Variants in IMMP2L observed in about 807,000 individuals in gnomAD.
The protein encoded by IMMP2L is mitochondrial inner membrane protease subunit 2.
In IMMP2L, 18 loss-of-function variants were observed where a neutral mutation model predicts 19.3. The ratio of observed to expected loss-of-function variants is 0.93; its 90% CI spans 0.64 to 1.38. The LOEUF (loss-of-function observed/expected upper bound fraction) is 1.38, where lower values mean the gene tolerates loss of function less well. Ranked by LOEUF, IMMP2L falls within the 40% of genes most tolerant of loss-of-function variation. The pLI is 0.00. For synonymous variants in IMMP2L, 76 were observed against 73.0 expected (o/e 1.04, Z -0.21); for missense variants, 233 against 218.2 (o/e 1.07, Z -0.43).
intron 3 of IMMP2L, among the ~76,000 whole-genome samples, chr7:111,239,007 T>A (rs1442090701): frequency 1.3e-5 from 2 of 151,972 alleles, no homozygotes; most frequent in African/African-American, 4.8e-5. Flanking sequence ...TTTCACTATT[T>A]CACCAATAGT....
chr7:111,086,438 T>C (rs1440614952), intron 3 of IMMP2L, among the ~76,000 whole-genome samples: 1 of 118,986 alleles, frequency 8.4e-6, no homozygotes, highest in African/African-American at 3.1e-5. Context: ...GCAAAAACTG[T>C]CTCAAAAATA....
chr7:111,100,924 T>G (rs1364202898), intron 3 of IMMP2L, among the ~76,000 whole-genome samples: 1 of 151,528 alleles, frequency 6.6e-6, no homozygotes, highest in East Asian at 1.9e-4. Context: ...TCACCAGTTT[T>G]GAAAATATTT....
chr7:111,240,693 T>C lies in IMMP2L; in HGVS notation c.239+246545A>G, dbSNP rs543863716. On this transcript the variant is annotated intron_variant, in intron 3 of 5. Coordinates refer to ENST00000405709, the MANE Select transcript of IMMP2L (RefSeq NM_032549.4). ...ATTTTTGTTGCGGTCAAGTATGTTA[T>C]AAAGGCTAGCACTTGTAGGTCTAGG... Among the ~76,000 whole-genome samples the C allele has an allele frequency of 2.6e-5, 4 of 152,144 alleles. No individual in the cohort carries two copies. In the East Asian group the frequency reaches 7.7e-4, roughly 29 times the overall value.
chr7:111,425,409 C>A (rs2131635745), intron 3 of IMMP2L, among the ~76,000 whole-genome samples: 1 of 150,736 alleles, frequency 6.6e-6, no homozygotes, highest in South Asian at 2.1e-4. Flanking sequence ...TTAAATTTTA[C>A]CTCAAAAGAA....
intron 3 of IMMP2L, among the ~76,000 whole-genome samples, chr7:111,406,149 T>C (rs530202607): frequency 2.6e-5 from 4 of 152,158 alleles, no homozygotes; most frequent in Non-Finnish European, 5.9e-5. Flanking sequence ...AGGTAAAATT[T>C]GCTTTCTACC....
At chr7:111,499,809 A>G (rs772343354) in intron 2 of IMMP2L, among the ~76,000 whole-genome samples, 8 of 152,012 alleles carry the variant, frequency 5.3e-5, no homozygotes, top group Non-Finnish European at 1.0e-4. Flanking sequence ...GCTCTTTTTT[A>G]AAAAGGAGGC....
At chr7:110,705,181 T>A (rs770097939) in intron 5 of IMMP2L, among the ~76,000 whole-genome samples, 3 of 152,162 alleles carry the variant, frequency 2.0e-5, no homozygotes, top group Non-Finnish European at 4.4e-5. Context: ...ATGTCTTTCA[T>A]TCATGATGAT....
rs139549841 is a variant in IMMP2L at position 111,112,896 on chromosome 7, T to C, written c.240-149331A>G. ...GTGCTATAATTTAGTCTCTTGTTTATTGCATTTGAAAAAATTCTTTCAAAC... is the reference window on the plus strand; with the variant it reads ...GTGCTATAATTTAGTCTCTTGTTTACTGCATTTGAAAAAATTCTTTCAAAC... On this transcript the variant is annotated intron_variant, in intron 3 of 5. Transcript: ENST00000405709. Among the ~76,000 whole-genome samples, 82 of 152,328 alleles carry C rather than the reference T, an allele frequency of 5.4e-4. 2 individuals are homozygous for C. The highest frequency in any genetic ancestry group is 1.8e-3 in the African/African-American group (75 of 41,580).
intron 3 of IMMP2L, among the ~76,000 whole-genome samples, chr7:111,295,311 G>C (rs970585724): frequency 2.6e-5 from 4 of 151,896 alleles, no homozygotes; most frequent in South Asian, 2.1e-4. Flanking sequence ...TGATAAACAA[G>C]GACCACAGAT....
chr7:111,111,294 AGTT>A, intron 3 of IMMP2L, among the ~76,000 whole-genome samples: 1 of 141,666 alleles, frequency 7.1e-6, no homozygotes, highest in Non-Finnish European at 1.5e-5. Flanking sequence ...CATGGGTAGC[AGTT>A]GTAAAAAAAA....
chr7:111,451,231 T>G (rs1585159859), intron 3 of IMMP2L, among the ~76,000 whole-genome samples: 1 of 145,950 alleles, frequency 6.9e-6, no homozygotes, highest in South Asian at 2.1e-4. Context: ...CAAATGACTA[T>G]AAATCATGCT....
chr7:111,359,736 T>C (rs1256241055), intron 3 of IMMP2L, among the ~76,000 whole-genome samples: 3 of 152,164 alleles, frequency 2.0e-5, no homozygotes, highest in East Asian at 1.9e-4. Flanking sequence ...TGAACCATTA[T>C]GCATTTTTTA....
intron 3 of IMMP2L, among the ~76,000 whole-genome samples, chr7:111,375,631 T>C (rs139141581): frequency 0.011 from 1,608 of 152,044 alleles, 30 homozygotes; most frequent in African/African-American, 0.036. Context: ...GTCAAGCAAT[T>C]CTCCTGCCTC....
chr7:111,059,130 C>T (rs546914356), intron 3 of IMMP2L, among the ~76,000 whole-genome samples: 3 of 151,908 alleles, frequency 2.0e-5, no homozygotes, highest in Non-Finnish European at 4.4e-5. Flanking sequence ...TTGCAGGCAC[C>T]GGCCACCACA....
At chr7:111,103,647 A>C (rs887563560) in intron 3 of IMMP2L, among the ~76,000 whole-genome samples, 1 of 151,668 alleles carries the variant, frequency 6.6e-6, no homozygotes, top group Non-Finnish European at 1.5e-5. Flanking sequence ...AGTTACAGCA[A>C]ATTCTAATGA....
intron 3 of IMMP2L, among the ~76,000 whole-genome samples, chr7:111,430,373 C>G (rs545459841): frequency 5.9e-5 from 9 of 151,434 alleles, no homozygotes; most frequent in African/African-American, 2.2e-4. Flanking sequence ...AAATAAAAAG[C>G]ATATAAATTT....
At chr7:111,124,075 G>A in intron 3 of IMMP2L, 2 of 1,613,990 alleles carry the variant, frequency 1.2e-6, no homozygotes, top group South Asian at 2.2e-5. Flanking sequence ...TCTAAATGTA[G>A]AAGCTGGGAG....
intron 3 of IMMP2L, among the ~76,000 whole-genome samples, chr7:111,070,459 T>G (rs1794858651): frequency 1.3e-5 from 2 of 152,230 alleles, no homozygotes; most frequent in Non-Finnish European, 2.9e-5. Context: ...AAACTTATTT[T>G]TTTTTTGGTT....
chr7:111,033,618 A>C (rs1401881098), intron 3 of IMMP2L, among the ~76,000 whole-genome samples: 1 of 152,242 alleles, frequency 6.6e-6, no homozygotes, highest in Non-Finnish European at 1.5e-5. Flanking sequence ...ATACAACAGA[A>C]TATTACTCAG....
Sources: gnomAD v4.1 joint callset for allele counts (sites outside exome capture counted in the v4.1 genomes callset) on GRCh38, gnomAD v4.1.1 for gene constraint, MANE v1.5 for transcripts, NCBI Gene and HGNC (gene_info 2026-07-23, HGNC 2026-07-21) for gene names.